The following CABLES1 variants were observed in gnomAD, a reference collection of about 807,000 sequenced individuals.
The protein encoded by CABLES1 is CDK5 and ABL1 enzyme substrate 1.
Under a neutral mutation model 57.8 loss-of-function variants are expected in CABLES1, and 36 were observed. The ratio of observed to expected loss-of-function variants is 0.62; its 90% CI spans 0.48 to 0.82. The LOEUF (loss-of-function observed/expected upper bound fraction) is 0.82, where lower values mean the gene tolerates loss of function less well. Among genes scored for constraint, CABLES1 ranks in the 40% least tolerant of loss-of-function variants. The probability of loss-of-function intolerance (pLI) is 0.00; values close to 1 mark genes in which losing one functional copy is unlikely to be tolerated. For synonymous variants in CABLES1, 374 were observed against 363.0 expected, an observed-to-expected ratio of 1.03 and a Z score of -0.35; for missense variants, 767 against 836.6, an observed-to-expected ratio of 0.92 and a Z score of 1.03.
intron 1 of CABLES1, among the ~76,000 whole-genome samples, chr18:23,166,832 T>TTCA (rs1392560056): frequency 1.3e-5 from 2 of 152,228 alleles, no homozygotes; most frequent in Non-Finnish European, 2.9e-5. Context: ...CAGGTGGCCA[T>TTCA]GAGTGCAGAG....
intron 1 of CABLES1, among the ~76,000 whole-genome samples, chr18:23,139,159 T>C (rs1177108811): frequency 6.6e-6 from 1 of 152,104 alleles, no homozygotes; most frequent in Non-Finnish European, 1.5e-5. Context: ...CCCAGCACTT[T>C]GGGAGGCCGA....
chr18:23,165,616 G>A (rs2047036962), intron 1 of CABLES1, among the ~76,000 whole-genome samples: 2 of 152,270 alleles, frequency 1.3e-5, no homozygotes, highest in Admixed American at 6.5e-5. Context: ...TGGAATCACA[G>A]AGTTTGTCCT....
At chr18:23,247,197 G>A (rs753752360) in intron 7 of CABLES1, among the ~76,000 whole-genome samples, 18 of 152,306 alleles carry the variant, frequency 1.2e-4, no homozygotes, top group East Asian at 7.7e-4. Context: ...TGGGAGGCCC[G>A]GCCTCTAAGG....
chr18:23,194,473 A>G lies in CABLES1; in HGVS notation c.943A>G (p.Arg315Gly). The G allele has an allele frequency of 1.2e-6, 2 of 1,613,122 alleles. No individual in the cohort carries two copies. Among genetic ancestry groups the G allele is most frequent in the Non-Finnish European group, 1.7e-6 (2 of 1,179,022 alleles). ...ATGTCGAACTCTCTCAGGTTCACCC[A>G]GACCAAAGAATTTTAAGAAGATTCA... ...RRCRTLSGSP[R>G]PKNFKKIHFI... is the part of the protein sequence containing the mutation. Residue 315 changes from arginine to glycine, a missense_variant, in exon 3 of 10, where the codon AGA (arginine) becomes GGA (glycine). Coordinates refer to ENST00000256925, the MANE Select transcript of CABLES1 (RefSeq NM_001100619.3).
intron 1 of CABLES1, among the ~76,000 whole-genome samples, chr18:23,143,367 A>G (rs1211349018): frequency 6.6e-6 from 1 of 152,206 alleles, no homozygotes; most frequent in Non-Finnish European, 1.5e-5. Flanking sequence ...CTTGTGTTAT[A>G]TAGAGCATGG....
At chr18:23,236,400 TAAA>T (rs544035922) in intron 6 of CABLES1, among the ~76,000 whole-genome samples, 2 of 148,020 alleles carry the variant, frequency 1.4e-5, no homozygotes. Context: ...ATTCGGACTT[TAAA>T]AAAAAAAATC....
chr18:23,136,438 G>T lies in CABLES1; in HGVS notation c.676G>T (p.Gly226Cys), dbSNP rs757694791. The change falls in exon 1 of 10, where the codon GGC becomes TGC. Residue 226 changes from glycine to cysteine, a missense_variant. By Grantham distance (159) the Gly-to-Cys change is radical (BLOSUM62 -3). This residue lies in a region of CABLES1 where 529 missense variants were observed against 622.8 expected (regional missense o/e 0.85). Transcript: ENST00000256925. ...SVQVPAAAFL[G>C]SGTPGSGSGS... is the part of the protein sequence containing the mutation. ...GCAGGTGCCGGCGGCCGCCTTTTTG[G>T]GCTCCGGGACCCCCGGGAGTGGGAG... The T allele has an allele frequency of 6.2e-7, 1 of 1,602,584 alleles. No homozygotes were observed. The highest frequency in any genetic ancestry group is 2.3e-5 in the East Asian group (1 of 43,474).
At chr18:23,165,466 C>T (rs563154588) in intron 1 of CABLES1, among the ~76,000 whole-genome samples, 3 of 152,176 alleles carry the variant, frequency 2.0e-5, no homozygotes, top group Admixed American at 6.5e-5. Context: ...ATCCACTCTC[C>T]GGAACCCTTT....
chr18:23,218,858 G>A (rs2047464370), intron 4 of CABLES1, among the ~76,000 whole-genome samples: 1 of 152,182 alleles, frequency 6.6e-6, no homozygotes. Context: ...AGCGAATTAA[G>A]GCCCTGATGG....
chr18:23,195,252 A>C (rs899460238), intron 3 of CABLES1, among the ~76,000 whole-genome samples: 20 of 152,214 alleles, frequency 1.3e-4, no homozygotes, highest in Admixed American at 1.1e-3. Context: ...GACAGAGTCC[A>C]AGACCTCTGG....
rs913884777 is a variant in CABLES1 at position 23,199,574 on chromosome 18, G to T, written c.1010+5034G>T. 3.9e-5 allele frequency among the ~76,000 whole-genome samples: 6 copies of T among 152,206 alleles called. No individual in the cohort carries two copies. In the South Asian group the frequency reaches 1.0e-3, roughly 26 times the overall value. ...TGGATGAATCTTGAAAATAAGCTGA[G>T]TGAAATGAGCCAGTCACAAAAGGTC... On this transcript the variant is annotated intron_variant, in intron 3 of 9. Transcript: ENST00000256925.
chr18:23,190,231 C>T (rs1179099827), intron 2 of CABLES1: 1 of 152,220 alleles, frequency 6.6e-6, no homozygotes, highest in Admixed American at 6.5e-5. Context: ...CGCAGGCGCA[C>T]TGAGTGGCTG....
In CABLES1 at chr18:23,188,785, G is replaced by A. The variant is rs547020103; in HGVS notation, c.846-53G>A. 241 of 1,224,122 alleles carry A rather than the reference G, an allele frequency of 2.0e-4. 1 individual carries two copies. The East Asian group carries it at 5.0e-3, about 26-fold the overall frequency. The allele number at this position is 1,224,122 out of a possible 1,614,324, so 75.8% of individuals were successfully genotyped here. Reference sequence around the variant, plus strand: ...TAGTTTTAGATTTGCACAAATGTCTGATCAGTTCTGCAATGCAGTTTTAAC... The same window carrying A: ...TAGTTTTAGATTTGCACAAATGTCTAATCAGTTCTGCAATGCAGTTTTAAC... On this transcript the variant is annotated intron_variant, in intron 1 of 9. Coordinates refer to ENST00000256925, the MANE Select transcript of CABLES1 (RefSeq NM_001100619.3).
chr18:23,160,217 T>C (rs1256884801), intron 1 of CABLES1, among the ~76,000 whole-genome samples: 3 of 151,888 alleles, frequency 2.0e-5, no homozygotes, highest in Admixed American at 6.6e-5. Flanking sequence ...TTTTGTATTT[T>C]TAGTAGAGAT....
At chr18:23,231,157 A>C (rs1193513853) in intron 4 of CABLES1, among the ~76,000 whole-genome samples, 1 of 152,256 alleles carries the variant, frequency 6.6e-6, no homozygotes. Flanking sequence ...GACCAAATCC[A>C]TGTCACTGAG....
At chr18:23,247,102 T>C (rs1454215089) in intron 7 of CABLES1, among the ~76,000 whole-genome samples, 1 of 152,220 alleles carries the variant, frequency 6.6e-6, no homozygotes, top group Non-Finnish European at 1.5e-5. Flanking sequence ...GCTGTGGTAA[T>C]CCCACTGCCG....
At chr18:23,192,270 G>T (rs2047249753) in intron 2 of CABLES1, among the ~76,000 whole-genome samples, 1 of 152,228 alleles carries the variant, frequency 6.6e-6, no homozygotes, top group African/African-American at 2.4e-5. Flanking sequence ...GCTGCCATCG[G>T]CACCTGCCCT....
At chr18:23,162,460 C>T (rs1338891233) in intron 1 of CABLES1, among the ~76,000 whole-genome samples, 3 of 152,196 alleles carry the variant, frequency 2.0e-5, no homozygotes, top group South Asian at 2.1e-4. Flanking sequence ...TTCATTCTTT[C>T]GGGAGATGTT....
Position 23,136,334 on chromosome 18 carries a change from G to T in CABLES1, c.572G>T (p.Cys191Phe). The T allele has an allele frequency of 6.9e-7, 1 of 1,441,752 alleles. No individual in the cohort carries two copies. The highest frequency in any genetic ancestry group is 9.1e-7 in the Non-Finnish European group (1 of 1,099,764). 89.3% of individuals were successfully genotyped at this position (1,441,752 alleles called of 1,614,324 possible). A position where few individuals can be genotyped will look rare whatever the true frequency, so the allele number is the denominator to read the frequency against. ...QPPRPAPLAA[C>F]AQLQLLDGSG... Reference sequence around the variant, plus strand: ...CCCCGGCCGGCGCCTCTCGCCGCCTGTGCCCAACTGCAGCTGCTCGACGGG... The same window carrying T: ...CCCCGGCCGGCGCCTCTCGCCGCCTTTGCCCAACTGCAGCTGCTCGACGGG... The change falls in exon 1 of 10, where the codon TGT (cysteine) becomes TTT (phenylalanine). Residue 191 changes from cysteine to phenylalanine, a missense_variant. By Grantham distance (205) the Cys-to-Phe change is radical. Transcript: ENST00000256925.
Sources: gnomAD v4.1 joint callset for allele counts (sites outside exome capture counted in the v4.1 genomes callset) on GRCh38, gnomAD v4.1.1 for gene constraint, gnomAD v4.1.1 regional missense constraint, MANE v1.5 for transcripts, NCBI Gene and HGNC (gene_info 2026-07-23, HGNC 2026-07-21) for gene names.